Variants in KDM4B observed in about 807,000 individuals in gnomAD.
KDM4B encodes lysine-specific demethylase 4B.
In KDM4B, 32 loss-of-function variants were observed where a neutral mutation model predicts 125.2. The ratio of observed to expected loss-of-function variants is 0.26; its 90% CI spans 0.19 to 0.34. The LOEUF is 0.34. KDM4B is among the 10% of genes least tolerant of loss of function. KDM4B has a pLI of 1.00. For synonymous variants in KDM4B, 721 were observed against 677.9 expected, an observed-to-expected ratio of 1.06 and a Z score of -0.99; for missense variants, 1,190 against 1,577.7, an observed-to-expected ratio of 0.75 and a Z score of 4.16.
At chr19:5,108,645 T>C (rs2039081657) in intron 9 of KDM4B, among the ~76,000 whole-genome samples, 1 of 152,216 alleles carries the variant, frequency 6.6e-6, no homozygotes, top group Non-Finnish European at 1.5e-5. Context: ...AATTAAGTCT[T>C]TCCCTTCCCA....
intron 9 of KDM4B, among the ~76,000 whole-genome samples, chr19:5,098,881 A>G (rs2038878603): frequency 6.6e-6 from 1 of 152,158 alleles, no homozygotes; most frequent in South Asian, 2.1e-4. Flanking sequence ...AGAAATAAGC[A>G]ATTTGCTTAT....
chr19:5,067,828 C>T (rs958874638), intron 6 of KDM4B, among the ~76,000 whole-genome samples: 2 of 152,134 alleles, frequency 1.3e-5, no homozygotes, highest in Admixed American at 1.3e-4. Context: ...CCGTGCCACC[C>T]GGGCACACAG....
rs895327733 is a variant in KDM4B at position 5,124,332 on chromosome 19, C to T, written c.1315+4480C>T. Among the ~76,000 whole-genome samples the T allele has an allele frequency of 4.6e-5, 7 of 152,194 alleles. No individual in the cohort carries two copies. The South Asian group carries it at 6.2e-4, about 13-fold the overall frequency. Reference sequence around the variant, plus strand: ...AAATCGGGCAGGCTGCTGCCGCCGCCGCTGCCACCTGTGGGTTCAGGCAGC... The same window carrying T: ...AAATCGGGCAGGCTGCTGCCGCCGCTGCTGCCACCTGTGGGTTCAGGCAGC... On this transcript the variant is annotated intron_variant, in intron 11 of 22. Transcript: ENST00000159111.
chr19:5,037,007 G>A (rs1188880982), intron 3 of KDM4B, among the ~76,000 whole-genome samples: 1 of 152,246 alleles, frequency 6.6e-6, no homozygotes, highest in Non-Finnish European at 1.5e-5. Context: ...GCTCCCAGAT[G>A]TCTTTACTAC....
chr19:4,972,212 C>T (rs2034284391), intron 1 of KDM4B, among the ~76,000 whole-genome samples: 2 of 152,304 alleles, frequency 1.3e-5, no homozygotes, highest in Admixed American at 1.3e-4. Context: ...GATCTCTGCC[C>T]TCTGTCCCAT....
chr19:5,110,863 G>T (rs1463521897), intron 10 of KDM4B, 45 bp downstream of exon 10: 4 of 1,477,354 alleles, frequency 2.7e-6, no homozygotes, highest in Admixed American at 4.4e-5. Flanking sequence ...GCATCACGGG[G>T]GGTGGCCCTG....
intron 11 of KDM4B, among the ~76,000 whole-genome samples, chr19:5,122,682 G>C (rs992828468): frequency 4.6e-5 from 7 of 152,204 alleles, no homozygotes; most frequent in African/African-American, 1.7e-4. Flanking sequence ...CTCGCCACCC[G>C]TCACCGACCA....
Position 4,997,265 on chromosome 19 carries a change from T to C in KDM4B, c.-108-18992T>C, listed in dbSNP as rs1275537104. On this transcript the variant is annotated intron_variant, in intron 1 of 22. Coordinates refer to ENST00000159111, the MANE Select transcript of KDM4B (RefSeq NM_015015.3). The surrounding 1 kb of genome is among the most constrained non-coding windows in gnomAD (Gnocchi z 4.2). The stretch of plus-strand genomic sequence containing the variant: ...ATCTTTAGTTTTATTTTTGGTGCGT[T>C]GTTACATAGGATGTTTTCAAGTTGC... 6.6e-6 allele frequency among the ~76,000 whole-genome samples: 1 copy of C among 152,108 alleles called. No homozygotes were observed. The highest frequency in any genetic ancestry group is 1.5e-5 in the Non-Finnish European group (1 of 68,036).
At chr19:5,063,439 G>A (rs1413801985) in intron 6 of KDM4B, among the ~76,000 whole-genome samples, 1 of 152,182 alleles carries the variant, frequency 6.6e-6, no homozygotes, top group Non-Finnish European at 1.5e-5. Flanking sequence ...CCAACCATGT[G>A]TGTACATGGG....
intron 5 of KDM4B, among the ~76,000 whole-genome samples, chr19:5,042,681 A>AGG (rs372964471): frequency 4.1e-5 from 6 of 145,150 alleles, no homozygotes; most frequent in South Asian, 2.3e-4. Context: ...GGAGAGAGTG[A>AGG]GGGGGGGGGC....
rs1322670629 is a variant in KDM4B, at chr19:5,152,845, G to A, written c.*1334G>A. ...AAAAAATGGCTGAGGCAGGAGTTTGGGACCAGCCTGGGCTATATAGCAAGA... is the reference window on the plus strand; with the variant it reads ...AAAAAATGGCTGAGGCAGGAGTTTGAGACCAGCCTGGGCTATATAGCAAGA... On this transcript the variant is annotated 3_prime_UTR_variant, in exon 23 of 23. Transcript: ENST00000159111. 6.6e-6 allele frequency: 1 copy of A among 152,162 alleles called. No individual in the cohort carries two copies. Among genetic ancestry groups the A allele is most frequent in the Non-Finnish European group, 1.5e-5 (1 of 68,066 alleles). 9.4% of individuals were successfully genotyped at this position (152,162 alleles called of 1,614,324 possible).
intron 9 of KDM4B, 59 bp from the exon 10 acceptor site, chr19:5,110,561 GGT>G: frequency 6.4e-7 from 1 of 1,558,616 alleles, no homozygotes; most frequent in Non-Finnish European, 8.8e-7. Context: ...TCTGGGGTGG[GGT>G]GTGTGGAGCC....
At chr19:5,117,767 G>A (rs1309773441) in intron 10 of KDM4B, among the ~76,000 whole-genome samples, 1 of 151,844 alleles carries the variant, frequency 6.6e-6, no homozygotes, top group African/African-American at 2.4e-5. Flanking sequence ...GCCCCTGCCT[G>A]CCTCCCACCC....
rs2039771088 is a variant in KDM4B at position 5,142,922 on chromosome 19, C to T, written c.2551-1045C>T. Among the ~76,000 whole-genome samples the T allele has an allele frequency of 2.0e-5, 3 of 151,992 alleles. No individual in the cohort carries two copies. Among genetic ancestry groups the T allele is most frequent in the African/African-American group, 7.2e-5 (3 of 41,386 alleles). ...GGCGTGGGTGTGGCGGCCGCCAGGG[C>T]CCCGGTGCTGGCTCGGGCAGGTGTT... On this transcript the variant is annotated intron_variant, in intron 18 of 22. Transcript: ENST00000159111. The surrounding 1 kb of genome is among the most constrained non-coding windows in gnomAD (Gnocchi z 5.4).
At chr19:5,106,062 C>T (rs2039027688) in intron 9 of KDM4B, among the ~76,000 whole-genome samples, 2 of 152,212 alleles carry the variant, frequency 1.3e-5, no homozygotes, top group South Asian at 4.1e-4. Context: ...GAGAGCTCTG[C>T]CCATAATTGG....
chr19:4,972,580 C>T (rs73921815), intron 1 of KDM4B, among the ~76,000 whole-genome samples: 11 of 152,166 alleles, frequency 7.2e-5, no homozygotes, highest in Non-Finnish European at 2.9e-5. Context: ...GCTAGTAGCA[C>T]CCTGTCCCCT....
chr19:5,077,178 C>T (rs1462364527), intron 7 of KDM4B, 189 bp from the exon 8 acceptor site: 11 of 617,088 alleles, frequency 1.8e-5, no homozygotes, highest in Admixed American at 5.6e-5. Flanking sequence ...GCGGCTCCTG[C>T]GCATCTCCTT....
chr19:4,980,421 C>CTTTT (rs572345837), intron 1 of KDM4B, among the ~76,000 whole-genome samples: 158 of 109,686 alleles, frequency 1.4e-3, no homozygotes, highest in Non-Finnish European at 1.9e-3. Flanking sequence ...CCTTTTCTTT[C>CTTTT]TTTTTTTTTT....
intron 14 of KDM4B, 48 bp from the exon 15 acceptor site, chr19:5,135,291 C>T: frequency 7.2e-7 from 1 of 1,386,180 alleles, no homozygotes; most frequent in Non-Finnish European, 1.0e-6. Context: ...GCCCGCCCGC[C>T]TGCCCCACAC....
Sources: allele counts gnomAD v4.1 joint callset (sites outside exome capture counted in the v4.1 genomes callset), GRCh38; gene constraint gnomAD v4.1.1; non-coding constraint Gnocchi (gnomAD v3.1); transcripts MANE v1.5; gene names NCBI Gene and HGNC (gene_info 2026-07-23, HGNC 2026-07-21).